The following PUM3 variants were observed in gnomAD, a reference collection of about 807,000 sequenced individuals.
The protein encoded by PUM3 is pumilio RNA binding family member 3, also known as pumilio homolog 3.
Under a neutral mutation model 84.0 loss-of-function variants are expected in PUM3, and 91 were observed. The ratio of observed to expected loss-of-function variants is 1.08; its 90% CI spans 0.91 to 1.29. The LOEUF is 1.29. Ranked by LOEUF, PUM3 falls within the 50% of genes most tolerant of loss-of-function variation. PUM3 has a pLI of 0.00. For missense variants in PUM3, 1,067 were observed against 767.5 expected (o/e 1.39, Z -4.61); for synonymous variants, 321 against 266.7 (o/e 1.20, Z -1.98).
Position 2,826,613 on chromosome 9 carries a change from G to A in PUM3, c.1035+460C>T, listed in dbSNP as rs1586724531. Among the ~76,000 whole-genome samples, 5 of 152,240 alleles carry A rather than the reference G, an allele frequency of 3.3e-5. No individual in the cohort carries two copies. The South Asian group carries it at 1.0e-3, about 32-fold the overall frequency. ...TGTATTCCCATGACTGACTTGAAGG[G>A]CAGTGCAATTTACCTTCACTCTGTT... On this transcript the variant is annotated intron_variant, in intron 10 of 17. Coordinates refer to ENST00000397885, the MANE Select transcript of PUM3 (RefSeq NM_014878.5).
intron 12 of PUM3, among the ~76,000 whole-genome samples, chr9:2,820,498 T>G (rs977375659): frequency 6.6e-6 from 1 of 151,924 alleles, no homozygotes; most frequent in Admixed American, 6.6e-5. Flanking sequence ...ACTCCAATCA[T>G]GAAAAAGAAA....
chr9:2,810,345 T>G lies in PUM3; in HGVS notation c.1722A>C (p.Glu574Asp). Residue 574 changes from glutamate to aspartate, a missense_variant and splice_region_variant, in exon 16 of 18, where the codon GAA becomes GAC. By Grantham distance (45) the Glu-to-Asp change is conservative (BLOSUM62 2). Coordinates refer to ENST00000397885, the MANE Select transcript of PUM3 (RefSeq NM_014878.5). Reference sequence around the variant, plus strand: ...AAAAGGTCAAATTTCATAGCCTACCTTCTCTCCCATTTTCTTTCATCTTTT... The same window carrying G: ...AAAAGGTCAAATTTCATAGCCTACCGTCTCTCCCATTTTCTTTCATCTTTT... Reference protein sequence around the residue: ...QDKKMKENGREGCFAKTLVEH... With the variant: ...QDKKMKENGRDGCFAKTLVEH... The G allele has an allele frequency of 1.3e-6, 2 of 1,589,172 alleles. No individual in the cohort carries two copies. Among genetic ancestry groups the G allele is most frequent in the Non-Finnish European group, 8.6e-7 (1 of 1,158,080 alleles).
chr9:2,807,097 A>C (rs374941794), intron 17 of PUM3, among the ~76,000 whole-genome samples: 125 of 152,148 alleles, frequency 8.2e-4, no homozygotes, highest in African/African-American at 2.9e-3. Context: ...CGTTCCAGCT[A>C]CTCAGGAGGC....
Position 2,822,060 on chromosome 9 carries a change from A to C in PUM3, c.1188+1721T>G, listed in dbSNP as rs143017110. 2.6e-5 allele frequency among the ~76,000 whole-genome samples: 4 copies of C among 152,290 alleles called. No individual in the cohort carries two copies. In the East Asian group the frequency reaches 7.7e-4, roughly 29 times the overall value. Reference sequence around the variant, plus strand: ...TGGTTTCAGTTCTCTTAACTCGGACACACATAAGCATAACCAAGCATAAAA... The same window carrying C: ...TGGTTTCAGTTCTCTTAACTCGGACCCACATAAGCATAACCAAGCATAAAA... On this transcript the variant is annotated intron_variant, in intron 12 of 17. Transcript: ENST00000397885.
intron 7 of PUM3, among the ~76,000 whole-genome samples, chr9:2,830,555 C>A (rs1486103787): frequency 6.6e-6 from 1 of 152,184 alleles, no homozygotes; most frequent in Non-Finnish European, 1.5e-5. Context: ...TCCAGAGGTT[C>A]AAGATAAACA....
At chr9:2,833,470 AAGAAG>A in intron 4 of PUM3, 38 bp from the exon 5 acceptor site, 2 of 1,185,142 alleles carry the variant, frequency 1.7e-6, no homozygotes, top group Non-Finnish European at 2.5e-6. Flanking sequence ...AGTTGAAATA[AAGAAG>A]TTATTTTAAA....
At chr9:2,809,064 C>T (rs1401749901) in intron 16 of PUM3, among the ~76,000 whole-genome samples, 1 of 152,094 alleles carries the variant, frequency 6.6e-6, no homozygotes, top group African/African-American at 2.4e-5. Context: ...GTGAGCTAAG[C>T]GAAAAGTGGA....
At chr9:2,843,373 C>A (rs1278556995) in intron 1 of PUM3, among the ~76,000 whole-genome samples, 3 of 152,064 alleles carry the variant, frequency 2.0e-5, no homozygotes, top group African/African-American at 7.2e-5. Context: ...TCTGCCAACT[C>A]AGCATCCAGT....
intron 1 of PUM3, among the ~76,000 whole-genome samples, chr9:2,840,692 A>T (rs1440965489): frequency 1.3e-5 from 2 of 152,054 alleles, no homozygotes. Flanking sequence ...AGCCAGGGGG[A>T]AGTTTCTCAG....
chr9:2,841,039 G>C (rs1288740327), intron 1 of PUM3, among the ~76,000 whole-genome samples: 1 of 152,058 alleles, frequency 6.6e-6, no homozygotes, highest in East Asian at 1.9e-4. Context: ...AGCTCATACT[G>C]ATGTTTCCAA....
intron 1 of PUM3, among the ~76,000 whole-genome samples, chr9:2,840,534 C>G (rs927637851): frequency 6.6e-5 from 10 of 152,114 alleles, no homozygotes; most frequent in African/African-American, 2.4e-4. Context: ...ATTACTTTTG[C>G]CTTTGTTATT....
At chr9:2,824,589 T>G in intron 11 of PUM3, 128 bp downstream of exon 11, 1 of 474,836 alleles carries the variant, frequency 2.1e-6, no homozygotes, top group South Asian at 8.9e-5. Context: ...GCACAACTTT[T>G]GGAAGATAAT....
Position 2,831,259 on chromosome 9 carries a change from T to A in PUM3, c.602A>T (p.Glu201Val). ...NEEQRKQAFEELRDDLVELSK... is the reference protein window; with the variant it reads ...NEEQRKQAFEVLRDDLVELSK... ...TAGTATGTAATAAATACCTCGCAAT[T>A]CTTCAAAAGCCTGTTTTCTCTGTTC... The change falls in exon 6 of 18, where the codon GAA becomes GTA. Residue 201 changes from glutamate (E) to valine (V), a missense_variant. By Grantham distance (121) the Glu-to-Val change is moderately radical. Transcript: ENST00000397885. The A allele has an allele frequency of 1.3e-6, 2 of 1,589,510 alleles. No homozygotes were observed. The highest frequency in any genetic ancestry group is 1.7e-6 in the Non-Finnish European group (2 of 1,160,984).
intron 1 of PUM3, 71 bp downstream of exon 1, chr9:2,843,974 C>G (rs1382584199): frequency 6.5e-6 from 1 of 153,802 alleles, no homozygotes. Context: ...CCCGAGAGAC[C>G]TTCCCGACTT....
chr9:2,819,288 T>C (rs966381227), intron 13 of PUM3, among the ~76,000 whole-genome samples: 38 of 152,202 alleles, frequency 2.5e-4, no homozygotes, highest in African/African-American at 8.9e-4. Context: ...TAGTTTAGAA[T>C]GCAATTTTTA....
In PUM3 at chr9:2,838,445, G is replaced by A; in HGVS notation, c.63C>T (p.Asn21=). The change falls in exon 2 of 18, where the codon AAC becomes AAT. Residue 21 remains asparagine, a synonymous_variant. Transcript: ENST00000397885. The stretch of plus-strand genomic sequence containing the variant: ...TCTTACCACTATTTTTATGAAATCT[G>A]TTTTTTTCTTGTGCTGTCTTTGTAC... ...GKSTKTAQEK[N]RFHKNSDSGS... 1 of 1,611,322 alleles carries A rather than the reference G, an allele frequency of 6.2e-7. No homozygotes were observed. The highest frequency in any genetic ancestry group is 8.5e-7 in the Non-Finnish European group (1 of 1,177,650).
chr9:2,836,297 G>A (rs1816118663), intron 3 of PUM3, among the ~76,000 whole-genome samples: 1 of 152,298 alleles, frequency 6.6e-6, no homozygotes, highest in African/African-American at 2.4e-5. Flanking sequence ...GACACGCTGT[G>A]CTGGAGAAAA....
In PUM3 at chr9:2,829,937, T is replaced by A. The variant is rs760756178; in HGVS notation, c.689A>T (p.Gln230Leu). 1 of 1,611,930 alleles carries A rather than the reference T, an allele frequency of 6.2e-7. No homozygotes were observed. The highest frequency in any genetic ancestry group is 8.5e-7 in the Non-Finnish European group (1 of 1,178,562). ...AAAACTTCTGATTATCTCTGCAATCTGTGGTTTACTTCTAAACGCAACACA... is the reference window on the plus strand; with the variant it reads ...AAAACTTCTGATTATCTCTGCAATCAGTGGTTTACTTCTAAACGCAACACA... Reference protein sequence around the residue: ...KKFLMYGSKPQIAEIIRSFKG... With the variant: ...KKFLMYGSKPLIAEIIRSFKG... Residue 230 changes from glutamine (Q) to leucine (L), a missense_variant, in exon 8 of 18, where the codon CAG becomes CTG. Gln to Leu is a moderately radical substitution (Grantham distance 113). Transcript: ENST00000397885.
intron 16 of PUM3, 93 bp from the exon 17 acceptor site, chr9:2,807,997 T>C (rs1821296367): frequency 1.3e-6 from 1 of 775,254 alleles, no homozygotes; most frequent in Admixed American, 2.7e-5. Flanking sequence ...CAAATATTTT[T>C]AAACAAAAAA....
Sources: allele counts gnomAD v4.1 joint callset (sites outside exome capture counted in the v4.1 genomes callset), GRCh38; gene constraint gnomAD v4.1.1; transcripts MANE v1.5; gene names NCBI Gene and HGNC (gene_info 2026-07-23, HGNC 2026-07-21).